LRRFIP2: variants seen among roughly 807,000 people sequenced by gnomAD.
LRRFIP2 encodes leucine-rich repeat flightless-interacting protein 2.
A neutral mutation model predicts 125.9 loss-of-function variants in LRRFIP2; 109 were observed. That is an observed-to-expected ratio of 0.87 (90% confidence interval 0.74 to 1.01). The LOEUF is 1.01. Ranked by LOEUF, LRRFIP2 falls within the 50% of genes least tolerant of loss-of-function variation. The probability of loss-of-function intolerance (pLI) is 0.00; values close to 1 mark genes in which losing one functional copy is unlikely to be tolerated. For missense variants in LRRFIP2, 850 were observed against 862.3 expected (o/e 0.99, Z 0.18); for synonymous variants, 291 against 293.1 (o/e 0.99, Z 0.07).
intron 7 of LRRFIP2, among the ~76,000 whole-genome samples, chr3:37,113,600 C>G (rs181630201): frequency 1.3e-5 from 2 of 152,306 alleles, no homozygotes; most frequent in East Asian, 3.9e-4. Context: ...CCACTCCTGG[C>G]TAAGGGTATA....
intron 1 of LRRFIP2, among the ~76,000 whole-genome samples, chr3:37,173,863 A>ATAT (rs941631820): frequency 6.6e-6 from 1 of 152,232 alleles, no homozygotes; most frequent in Non-Finnish European, 1.5e-5. Context: ...TTTGCCAAAT[A>ATAT]TATTCTCCAT....
chr3:37,150,024 CA>C (rs112444615), intron 1 of LRRFIP2, among the ~76,000 whole-genome samples: 3,692 of 150,938 alleles, frequency 0.024, 142 homozygotes, highest in African/African-American at 0.082. Flanking sequence ...AACAAACAGA[CA>C]AAAAAAACCC....
At chr3:37,171,470 CT>C (rs1427096223) in intron 1 of LRRFIP2, among the ~76,000 whole-genome samples, 1 of 151,678 alleles carries the variant, frequency 6.6e-6, no homozygotes, top group African/African-American at 2.4e-5. Context: ...TCTAGTGTCT[CT>C]CTCATTTCAA....
At chr3:37,082,671 A>T (rs1445095216) in intron 19 of LRRFIP2, among the ~76,000 whole-genome samples, 1 of 152,142 alleles carries the variant, frequency 6.6e-6, no homozygotes, top group Admixed American at 6.5e-5. Flanking sequence ...CTGCCCTAAA[A>T]ATCCTCTGTG....
intron 2 of LRRFIP2, among the ~76,000 whole-genome samples, chr3:37,133,414 T>C (rs1027740408): frequency 6.6e-6 from 1 of 152,132 alleles, no homozygotes; most frequent in African/African-American, 2.4e-5. Flanking sequence ...TATCTATCAA[T>C]GGACGAATGG....
intron 1 of LRRFIP2, among the ~76,000 whole-genome samples, chr3:37,168,595 T>C (rs923535420): frequency 6.6e-6 from 1 of 152,220 alleles, no homozygotes; most frequent in Non-Finnish European, 1.5e-5. Context: ...ATAGAGGTGA[T>C]AGTTACACAA....
In LRRFIP2 at chr3:37,150,410, C is replaced by T. The variant is rs1038825999; in HGVS notation, c.-55-1372G>A. 2.6e-5 allele frequency among the ~76,000 whole-genome samples: 4 copies of T among 152,002 alleles called. No individual in the cohort carries two copies. In the East Asian group the frequency reaches 5.8e-4, roughly 22 times the overall value. On this transcript the variant is annotated intron_variant, in intron 1 of 27. Coordinates refer to ENST00000336686, the MANE Select transcript of LRRFIP2 (RefSeq NM_006309.4). The stretch of plus-strand genomic sequence containing the variant: ...CTGGGAGACAGAGGTTTCAGTGAGC[C>T]GAGGTTGCACCACTGCACTCCAGCC...
intron 25 of LRRFIP2, among the ~76,000 whole-genome samples, chr3:37,056,562 T>G (rs1356887630): frequency 6.6e-6 from 1 of 151,934 alleles, no homozygotes; most frequent in African/African-American, 2.4e-5. Flanking sequence ...CACGCCATTC[T>G]CCTGCCTCAG....
intron 2 of LRRFIP2, among the ~76,000 whole-genome samples, chr3:37,145,001 A>T (rs958158858): frequency 5.3e-5 from 8 of 152,216 alleles, no homozygotes; most frequent in Non-Finnish European, 2.9e-5. Context: ...CCAAAAAAAC[A>T]CTGAAAGACA....
At position 37,134,623 on chromosome 3, in the gene LRRFIP2, C is replaced by T. The variant is rs971895723; in HGVS notation, c.91-5474G>A. 11 of 590,128 alleles carry T rather than the reference C, an allele frequency of 1.9e-5. No homozygotes were observed. The East Asian group carries it at 2.2e-4, about 12-fold the overall frequency. The allele number at this position is 590,128 out of a possible 1,614,324, so 36.6% of individuals were successfully genotyped here. ...TTTGGCCAGACTTTTGAGCACATAC[C>T]GAGAGAGTGAGGAGCCAGATGACAA... On this transcript the variant is annotated intron_variant, in intron 2 of 27. Coordinates refer to ENST00000336686, the MANE Select transcript of LRRFIP2 (RefSeq NM_006309.4).
intron 23 of LRRFIP2, chr3:37,064,748 G>A (rs1190648288): frequency 1.3e-5 from 2 of 152,210 alleles, no homozygotes; most frequent in African/African-American, 4.8e-5. Context: ...ACTTAAAAAA[G>A]CAGCTGATAC....
At chr3:37,086,089 A>G (rs1415616674) in intron 18 of LRRFIP2, among the ~76,000 whole-genome samples, 8 of 152,246 alleles carry the variant, frequency 5.3e-5, no homozygotes, top group Non-Finnish European at 1.2e-4. Context: ...CAAAGAGGAT[A>G]TGCAAATGGC....
At chr3:37,103,606 T>A (rs2094179629) in intron 14 of LRRFIP2, among the ~76,000 whole-genome samples, 1 of 151,950 alleles carries the variant, frequency 6.6e-6, no homozygotes, top group African/African-American at 2.4e-5. Context: ...CCTAGAACGC[T>A]CCCCTCCCAG....
chr3:37,125,791 G>T (rs2095249852), intron 4 of LRRFIP2, among the ~76,000 whole-genome samples: 1 of 152,076 alleles, frequency 6.6e-6, no homozygotes, highest in Non-Finnish European at 1.5e-5. Flanking sequence ...TCCTATTGTG[G>T]ATTGTGTGTG....
At chr3:37,135,316 G>T (rs2095530296) in intron 2 of LRRFIP2, among the ~76,000 whole-genome samples, 1 of 151,946 alleles carries the variant, frequency 6.6e-6, no homozygotes, top group African/African-American at 2.4e-5. Context: ...CAAATTAGCT[G>T]GGCATGGTGG....
intron 19 of LRRFIP2, among the ~76,000 whole-genome samples, chr3:37,077,174 A>G (rs1376580968): frequency 6.6e-6 from 1 of 152,174 alleles, no homozygotes; most frequent in African/African-American, 2.4e-5. Flanking sequence ...CGACCCAGCA[A>G]TCTCACTCTT....
chr3:37,066,552 G>A, intron 21 of LRRFIP2: 1 of 477,846 alleles, frequency 2.1e-6, no homozygotes. Context: ...GCATCAATTT[G>A]GCAAAACATG....
intron 15 of LRRFIP2, 74 bp downstream of exon 15, chr3:37,102,849 TA>T: frequency 1.0e-6 from 1 of 979,198 alleles, no homozygotes; most frequent in Non-Finnish European, 1.5e-6. Context: ...ACTTTTATTA[TA>T]AAATAGCTAA....
chr3:37,070,608 C>T (rs1426541075), intron 21 of LRRFIP2, among the ~76,000 whole-genome samples: 1 of 152,030 alleles, frequency 6.6e-6, no homozygotes, highest in South Asian at 2.1e-4. Context: ...TGGTGGTGCA[C>T]ACCTGTAGTC....
Sources: allele counts gnomAD v4.1 joint callset (sites outside exome capture counted in the v4.1 genomes callset), GRCh38; gene constraint gnomAD v4.1.1; transcripts MANE v1.5; gene names NCBI Gene and HGNC (gene_info 2026-07-23, HGNC 2026-07-21).